TSHZ3: variants seen among roughly 807,000 people sequenced by gnomAD.
TSHZ3 encodes teashirt homolog 3.
Under a neutral mutation model 64.5 loss-of-function variants are expected in TSHZ3, and 10 were observed. That is an observed-to-expected ratio of 0.16 (90% CI 0.10 to 0.26). The LOEUF is 0.26. Ranked by LOEUF, TSHZ3 falls within the 10% of genes least tolerant of loss-of-function variation. The pLI, the probability that TSHZ3 is intolerant of heterozygous loss-of-function variation, is 1.00. For missense variants in TSHZ3, 1,242 were observed against 1,421.7 expected (o/e 0.87, Z 2.03); for synonymous variants, 608 against 593.1 (o/e 1.03, Z -0.36).
At chr19:31,242,746 C>T (rs62101242) in intron 2 of TSHZ3, among the ~76,000 whole-genome samples, 72 of 83,110 alleles carry the variant, frequency 8.7e-4, no homozygotes, top group African/African-American at 2.0e-3. Flanking sequence ...AGAAGATGGG[C>T]GTCTCAGTTC....
At chr19:31,350,106 CACTCCTCTCCACCCGCCGACT>C (rs2021669708), upstream of TSHZ3, among the ~76,000 whole-genome samples, 1 of 145,270 alleles carries the variant, frequency 6.9e-6, no homozygotes, top group Admixed American at 6.7e-5. Flanking sequence ...ACCCGGCTCG[CACTCCTCTCCACCCGCCGACT>C]CCGGAGCCCC....
chr19:31,289,732 T>TTGGG (rs1163126507), intron 1 of TSHZ3, among the ~76,000 whole-genome samples: 1 of 152,084 alleles, frequency 6.6e-6, no homozygotes, highest in Non-Finnish European at 1.5e-5. Flanking sequence ...TGGCTGCCAC[T>TTGGG]GTCCCTGTAG....
At chr19:31,335,989 G>A (rs553325627) in intron 1 of TSHZ3, among the ~76,000 whole-genome samples, 2 of 152,256 alleles carry the variant, frequency 1.3e-5, no homozygotes, top group Non-Finnish European at 2.9e-5. Context: ...CCCTGAAAAC[G>A]GTGTCCCAGC....
chr19:31,213,610 G>A (rs1018826981), intron 4 of TSHZ3, among the ~76,000 whole-genome samples: 6 of 152,120 alleles, frequency 3.9e-5, no homozygotes, highest in Admixed American at 2.6e-4. Context: ...TTGTAACAAA[G>A]GTACCACCCT....
chr19:31,207,664 T>TTTGAC (rs1306791575), intron 4 of TSHZ3: 1 of 152,214 alleles, frequency 6.6e-6, no homozygotes, highest in Non-Finnish European at 1.5e-5. Flanking sequence ...AGTCTCCTGA[T>TTTGAC]TCACTATATG....
chr19:31,158,660 T>C (rs1436689596), intron 5 of TSHZ3, among the ~76,000 whole-genome samples: 1 of 152,196 alleles, frequency 6.6e-6, no homozygotes, highest in Non-Finnish European at 1.5e-5. Flanking sequence ...ATTGTAATCA[T>C]ATAATGAAAT....
At chr19:31,256,734 C>T (rs2145195607) in intron 1 of TSHZ3, among the ~76,000 whole-genome samples, 1 of 152,314 alleles carries the variant, frequency 6.6e-6, no homozygotes, top group South Asian at 2.1e-4. Context: ...TTTCCCTGCA[C>T]AGGGTCACTG....
intron 5 of TSHZ3, among the ~76,000 whole-genome samples, chr19:31,201,268 T>C (rs1261384169): frequency 1.3e-5 from 2 of 152,116 alleles, no homozygotes; most frequent in Non-Finnish European, 2.9e-5. Flanking sequence ...CACACACACA[T>C]ACACAGATGG....
At chr19:31,160,117 C>T (rs967572946) in intron 5 of TSHZ3, among the ~76,000 whole-genome samples, 3 of 152,196 alleles carry the variant, frequency 2.0e-5, no homozygotes, top group Non-Finnish European at 4.4e-5. Flanking sequence ...TTGGTTTCAT[C>T]TTTATATTAA....
At chr19:31,199,480 TAATA>T (rs983429087) in intron 5 of TSHZ3, among the ~76,000 whole-genome samples, 3 of 146,340 alleles carry the variant, frequency 2.1e-5, no homozygotes, top group African/African-American at 7.5e-5. Context: ...CATAAAATAG[TAATA>T]AATAATCTTT....
chr19:31,217,469 C>T lies in TSHZ3; in HGVS notation n.686+10536G>A, dbSNP rs149430303. The stretch of plus-strand genomic sequence containing the variant: ...AAAAGGGAGGTCGTAATCTAATTTA[C>T]CTTTAAAAAAAAATAAACTAGACTT... On this transcript the variant is annotated intron_variant and non_coding_transcript_variant, in intron 4 of 6. Transcript: ENST00000651361. Among the ~76,000 whole-genome samples, 617 of 152,046 alleles carry T rather than the reference C, an allele frequency of 4.1e-3. 4 individuals carry two copies. Among genetic ancestry groups the T allele is most frequent in the African/African-American group, 0.014 (583 of 41,484 alleles).
intron 1 of TSHZ3, among the ~76,000 whole-genome samples, chr19:31,280,775 G>A (rs1278638900): frequency 6.6e-6 from 1 of 152,252 alleles, no homozygotes; most frequent in Non-Finnish European, 1.5e-5. Context: ...GGCAGGCCAC[G>A]CGCCTGCAGG....
At chr19:31,165,334 T>C (rs1974433167) in intron 5 of TSHZ3, among the ~76,000 whole-genome samples, 2 of 152,238 alleles carry the variant, frequency 1.3e-5, no homozygotes, top group African/African-American at 4.8e-5. Context: ...TGGGAGCACC[T>C]TGGTGTGTAG....
rs557666200 is a variant in TSHZ3 at position 31,264,520 on chromosome 19, G to C, written n.64-21645C>G. On this transcript the variant is annotated intron_variant and non_coding_transcript_variant, in intron 1 of 6. Transcript: ENST00000651361. ...GTGGGAGAGCCCAGCCTACAAGACA[G>C]ATAGGGAGGAGCAGGGCCCAGGGCC... Among the ~76,000 whole-genome samples, 48 of 152,282 alleles carry C rather than the reference G, an allele frequency of 3.2e-4. 1 individual carries two copies. The highest frequency in any genetic ancestry group is 2.1e-4 in the Non-Finnish European group (14 of 68,032).
intron 1 of TSHZ3, among the ~76,000 whole-genome samples, chr19:31,343,693 C>A (rs1164650814): frequency 6.6e-6 from 1 of 151,664 alleles, no homozygotes; most frequent in East Asian, 1.9e-4. Context: ...TTTTTAAGTC[C>A]ATTTCTAAGC....
chr19:31,277,499 G>A lies in TSHZ3; in HGVS notation c.2294C>T (p.Thr765Ile), dbSNP rs770277792. The A allele has an allele frequency of 1.9e-5, 30 of 1,608,652 alleles. No individual in the cohort carries two copies. The highest frequency in any genetic ancestry group is 3.4e-5 in the Admixed American group (2 of 59,698). Reference sequence around the variant, plus strand: ...CTTCTTGGACTGCAGGGGCGGCGGGGTGGCCACAGCAGCCTTCTCCGCCAG... The same window carrying A: ...CTTCTTGGACTGCAGGGGCGGCGGGATGGCCACAGCAGCCTTCTCCGCCAG... ...NSLAEKAAVA[T>I]PPPLQSKKAD... The change falls in exon 2 of 2, where the codon ACC (threonine) becomes ATC (isoleucine). Residue 765 changes from threonine to isoleucine, a missense_variant. By Grantham distance (89) the Thr-to-Ile change is moderately conservative. This residue lies in a region of TSHZ3 where 550 missense variants were observed against 545.1 expected (regional missense o/e 1.01). Transcript: ENST00000240587. The surrounding 1 kb of genome is among the most constrained non-coding windows in gnomAD (Gnocchi z 4.5).
intron 1 of TSHZ3, among the ~76,000 whole-genome samples, chr19:31,326,314 C>G (rs1916929687): frequency 6.6e-6 from 1 of 152,242 alleles, no homozygotes; most frequent in Non-Finnish European, 1.5e-5. Flanking sequence ...AGAAGACTCT[C>G]TTTTAACTGC....
chr19:31,259,314 G>A (rs1017387652), intron 1 of TSHZ3, among the ~76,000 whole-genome samples: 4 of 152,192 alleles, frequency 2.6e-5, no homozygotes, highest in East Asian at 3.9e-4. Context: ...TTATATTAGC[G>A]CAATTGCATT....
chr19:31,239,027 T>C (rs1041153638), intron 3 of TSHZ3, among the ~76,000 whole-genome samples: 6 of 152,314 alleles, frequency 3.9e-5, no homozygotes, highest in Admixed American at 3.3e-4. Context: ...TTTTTGTACT[T>C]AATTTTTGTG....
Sources: allele counts gnomAD v4.1 joint callset (sites outside exome capture counted in the v4.1 genomes callset), GRCh38; gene constraint gnomAD v4.1.1; regional missense constraint gnomAD v4.1.1; non-coding constraint Gnocchi (gnomAD v3.1); transcripts MANE v1.5; gene names NCBI Gene and HGNC (gene_info 2026-07-23, HGNC 2026-07-21).